Variants in ZNF821 observed in about 807,000 individuals in gnomAD.
ZNF821 encodes zinc finger protein 821.
A neutral mutation model predicts 44.3 loss-of-function variants in ZNF821; 16 were observed. That is an observed-to-expected ratio of 0.36 (90% CI 0.24 to 0.55). The LOEUF is 0.55. Among genes scored for constraint, ZNF821 ranks in the 20% least tolerant of loss-of-function variants. The probability of loss-of-function intolerance (pLI) is 0.86; values close to 1 mark genes in which losing one functional copy is unlikely to be tolerated. For missense variants in ZNF821, 436 were observed against 547.6 expected (o/e 0.80, Z 2.03); for synonymous variants, 204 against 197.6 (o/e 1.03, Z -0.27).
At chr16:71,885,814 T>C (rs1053436817), upstream of ZNF821, among the ~76,000 whole-genome samples, 3 of 152,260 alleles carry the variant, frequency 2.0e-5, no homozygotes, top group Non-Finnish European at 4.4e-5. Context: ...CAAGGAAACA[T>C]TTTAATTTCA....
chr16:71,888,115 A>C (rs1317717884), upstream of ZNF821, among the ~76,000 whole-genome samples: 2 of 151,724 alleles, frequency 1.3e-5, no homozygotes, highest in Non-Finnish European at 2.9e-5. Flanking sequence ...AGGCTCAAGC[A>C]ATCTCCCCGC....
intron 3 of ZNF821, among the ~76,000 whole-genome samples, chr16:71,877,077 T>C (rs193139646): frequency 6.6e-6 from 1 of 152,326 alleles, no homozygotes; most frequent in African/African-American, 2.4e-5. Context: ...CGTTCCGTTT[T>C]ACACTTTTCC....
Position 71,864,177 on chromosome 16 carries a change from G to C in ZNF821, c.378C>G (p.Asp126Glu). 6.2e-7 allele frequency: 1 copy of C among 1,614,246 alleles called. No homozygotes were observed. Among genetic ancestry groups the C allele is most frequent in the Non-Finnish European group, 8.5e-7 (1 of 1,180,038 alleles). ...CAATCAACTGCTCCCGGCTCCCGCAGTCTAGCTGGCAGAGGGGACACTGGC... is the reference window on the plus strand; with the variant it reads ...CAATCAACTGCTCCCGGCTCCCGCACTCTAGCTGGCAGAGGGGACACTGGC... ...ELCQCPLCQL[D>E]CGSREQLIAH... The change falls in exon 6 of 8, where the codon GAC (aspartate) becomes GAG (glutamate). Residue 126 changes from aspartate (D) to glutamate (E), a missense_variant. Coordinates refer to ENST00000425432, the MANE Select transcript of ZNF821 (RefSeq NM_001201552.2).
intron 4 of ZNF821, among the ~76,000 whole-genome samples, chr16:71,865,853 G>T (rs1237356237): frequency 6.6e-6 from 1 of 152,218 alleles, no homozygotes; most frequent in Non-Finnish European, 1.5e-5. Flanking sequence ...CATAGGAATT[G>T]AGTTTGTTTT....
At chr16:71,867,524 TA>T (rs2034685888) in intron 4 of ZNF821, among the ~76,000 whole-genome samples, 1 of 152,004 alleles carries the variant, frequency 6.6e-6, no homozygotes, top group Non-Finnish European at 1.5e-5. Flanking sequence ...CCGTCTCTAC[TA>T]AAAATACAAA....
intron 3 of ZNF821, among the ~76,000 whole-genome samples, chr16:71,878,369 G>A (rs1017978858): frequency 1.3e-4 from 19 of 151,534 alleles, no homozygotes; most frequent in African/African-American, 3.4e-4. Context: ...GGCCCACCTC[G>A]GCCTCCCAAA....
chr16:71,871,832 GT>G (rs766183349), intron 3 of ZNF821, among the ~76,000 whole-genome samples: 216 of 140,578 alleles, frequency 1.5e-3, no homozygotes, highest in Admixed American at 1.7e-3. Flanking sequence ...TTTGGCTAAG[GT>G]TTTTTTTTTT....
chr16:71,873,332 A>C (rs1169636655), intron 3 of ZNF821, among the ~76,000 whole-genome samples: 6 of 152,276 alleles, frequency 3.9e-5, no homozygotes, highest in South Asian at 4.1e-4. Context: ...AAAAAAAAAA[A>C]AACTGTACTC....
chr16:71,877,325 A>G (rs988377932), intron 3 of ZNF821, among the ~76,000 whole-genome samples: 8 of 152,002 alleles, frequency 5.3e-5, no homozygotes, highest in Non-Finnish European at 1.2e-4. Context: ...CAGTGGCATA[A>G]TCTTGGCTCA....
chr16:71,860,753 T>G lies in ZNF821; in HGVS notation c.585-81A>C. On this transcript the variant is annotated intron_variant, in intron 7 of 7. Transcript: ENST00000425432. The surrounding 1 kb of genome is among the most constrained non-coding windows in gnomAD (Gnocchi z 7.3). ...CCAGCCCTGCCTTATTCTTTTCCTA[T>G]GAGGCCAGTGGCTCCACGCTCACCA... 7.0e-7 allele frequency: 1 copy of G among 1,433,428 alleles called. No individual in the cohort carries two copies. Among genetic ancestry groups the G allele is most frequent in the Non-Finnish European group, 9.4e-7 (1 of 1,066,640 alleles). The allele number at this position is 1,433,428 out of a possible 1,614,324, so 88.8% of individuals were successfully genotyped here. A position where few individuals can be genotyped will look rare whatever the true frequency, so the allele number is the denominator to read the frequency against.
intron 1 of ZNF821, chr16:71,891,430 T>G (rs1456560457): frequency 1.3e-5 from 2 of 152,262 alleles, no homozygotes; most frequent in African/African-American, 4.8e-5. Context: ...AGATACTGTT[T>G]CGAATAATTG....
In ZNF821 at chr16:71,865,037, CCTCA is replaced by C; in HGVS notation, c.174_177del (p.Ser58ArgfsTer30). The stretch of plus-strand genomic sequence containing the variant: ...TCTTGTGTCGTCTCCTCTTCATCAC[CCTCA>C]CTGTCACCTGGAACACACAAACTGG... On this transcript the variant is annotated frameshift_variant, in exon 5 of 8. Coordinates refer to ENST00000425432, the MANE Select transcript of ZNF821 (RefSeq NM_001201552.2). LOFTEE classifies it high-confidence loss of function. 1 of 1,614,172 alleles carries C rather than the reference CCTCA, an allele frequency of 6.2e-7. No individual in the cohort carries two copies. Among genetic ancestry groups the C allele is most frequent in the Non-Finnish European group, 8.5e-7 (1 of 1,180,038 alleles).
intron 1 of ZNF821, chr16:71,890,747 T>C (rs2036880604): frequency 6.7e-6 from 1 of 148,334 alleles, no homozygotes; most frequent in South Asian, 2.2e-4. Context: ...CACACATTCA[T>C]GCTCCTCCCC....
chr16:71,861,796 G>A lies in ZNF821; in HGVS notation c.564C>T (p.Thr188=). The A allele has an allele frequency of 6.2e-7, 1 of 1,614,092 alleles. No homozygotes were observed. Among genetic ancestry groups the A allele is most frequent in the South Asian group, 1.1e-5 (1 of 91,080 alleles). The part of the protein sequence containing the change: ...SNCAVCGARF[T]SHATFNSEKL... ...CTGACCTGTTAAAAGTGGCATGGCT[G>A]GTGAACCGGGCTCCACACACAGCAC... is the stretch of plus-strand genomic sequence containing the variant. The change falls in exon 7 of 8, where the codon ACC becomes ACT. Residue 188 remains threonine (T), a synonymous_variant. Transcript: ENST00000425432.
In ZNF821 at chr16:71,890,731, C is replaced by T. The variant is rs370136109; in HGVS notation, n.448+4158G>A. ...TTGGGATTTGTGGGCAACATAAAGT[C>T]ACTGTCACACATTCATGCTCCTCCC... On this transcript the variant is annotated intron_variant and non_coding_transcript_variant, in intron 1 of 2. Transcript: ENST00000561700. 25 of 145,264 alleles carry T rather than the reference C, an allele frequency of 1.7e-4. 1 individual carries two copies. Among genetic ancestry groups the T allele is most frequent in the Admixed American group, 1.0e-3 (15 of 14,530 alleles). The allele number at this position is 145,264 out of a possible 1,614,324, so 9.0% of individuals were successfully genotyped here. A position where few individuals can be genotyped will look rare whatever the true frequency, so the allele number is the denominator to read the frequency against.
Position 71,859,715 on chromosome 16 carries a change from A to C in ZNF821, c.*303T>G. ...ATAAAATTAATTTATTTGACTTCACAACTTCATGGGCCACACAGGGGCCCC... is the reference window on the plus strand; with the variant it reads ...ATAAAATTAATTTATTTGACTTCACCACTTCATGGGCCACACAGGGGCCCC... On this transcript the variant is annotated 3_prime_UTR_variant, in exon 8 of 8. Coordinates refer to ENST00000425432, the MANE Select transcript of ZNF821 (RefSeq NM_001201552.2). The C allele has an allele frequency of 2.7e-6, 1 of 367,814 alleles. No homozygotes were observed. 22.8% of individuals were successfully genotyped at this position (367,814 alleles called of 1,614,324 possible).
chr16:71,887,444 G>C (rs373138818), upstream of ZNF821, among the ~76,000 whole-genome samples: 126 of 152,106 alleles, frequency 8.3e-4, 2 homozygotes, highest in African/African-American at 2.9e-3. Flanking sequence ...TGTATTTTTA[G>C]TAGAGACGAG....
chr16:71,868,065 G>C (rs1190456456), intron 3 of ZNF821, 28 bp from the exon 4 acceptor site: 2 of 1,527,850 alleles, frequency 1.3e-6, no homozygotes, highest in African/African-American at 2.7e-5. Context: ...AAATAGTCAG[G>C]CCACCAGCTG....
chr16:71,865,038 C>T lies in ZNF821; in HGVS notation c.177G>A (p.Glu59=), dbSNP rs2034374822. Residue 59 remains glutamate (E), a synonymous_variant, in exon 5 of 8, where the codon GAG becomes GAA. Transcript: ENST00000425432. ...CTTGTGTCGTCTCCTCTTCATCACC[C>T]TCACTGTCACCTGGAACACACAAAC... The part of the protein sequence containing the change: ...RDQDSSSSDS[E]GDEEETTQDE... 1 of 1,614,212 alleles carries T rather than the reference C, an allele frequency of 6.2e-7. No individual in the cohort carries two copies. The highest frequency in any genetic ancestry group is 8.5e-7 in the Non-Finnish European group (1 of 1,180,042).
Sources: gnomAD v4.1 joint callset for allele counts (sites outside exome capture counted in the v4.1 genomes callset) on GRCh38, gnomAD v4.1.1 for gene constraint, Gnocchi (gnomAD v3.1) non-coding constraint, MANE v1.5 for transcripts, NCBI Gene and HGNC (gene_info 2026-07-23, HGNC 2026-07-21) for gene names.